The following ATP8A1 variants were observed in gnomAD, a reference collection of about 807,000 sequenced individuals.
ATP8A1 encodes ATPase phospholipid transporting 8A1, also known as phospholipid-transporting ATPase IA.
In ATP8A1, 90 loss-of-function variants were observed where a neutral mutation model predicts 177.7. The ratio of observed to expected loss-of-function variants is 0.51; its 90% CI spans 0.43 to 0.60. The LOEUF is 0.60. Ranked by LOEUF, ATP8A1 falls within the 20% of genes least tolerant of loss-of-function variation. The probability of loss-of-function intolerance (pLI) is 0.00; values close to 1 mark genes in which losing one functional copy is unlikely to be tolerated. For synonymous variants in ATP8A1, 493 were observed against 485.9 expected (o/e 1.01, Z -0.19); for missense variants, 1,072 against 1,392.8 (o/e 0.77, Z 3.67).
intron 15 of ATP8A1, among the ~76,000 whole-genome samples, chr4:42,568,594 A>T (rs2345654): frequency 0.89 from 135,928 of 152,226 alleles, 61,021 homozygotes; most frequent in East Asian, 0.97. Flanking sequence ...TAAAACGCTA[A>T]CTTTAATGAT....
intron 9 of ATP8A1, among the ~76,000 whole-genome samples, chr4:42,584,840 A>G (rs1733459747): frequency 6.6e-6 from 1 of 152,184 alleles, no homozygotes; most frequent in Non-Finnish European, 1.5e-5. Context: ...CCAAACTTAT[A>G]AAGTCCAAAA....
At chr4:42,586,659 T>A (rs373185325) in intron 8 of ATP8A1, among the ~76,000 whole-genome samples, 183 bp from the exon 9 acceptor site, 12 of 152,224 alleles carry the variant, frequency 7.9e-5, no homozygotes, top group African/African-American at 2.9e-4. Context: ...TGAGCACAGG[T>A]TTTTAGCGCA....
chr4:42,648,543 C>A (rs1740777793), intron 1 of ATP8A1, among the ~76,000 whole-genome samples: 1 of 151,906 alleles, frequency 6.6e-6, no homozygotes, highest in Admixed American at 6.6e-5. Context: ...CAAAGTAAAT[C>A]ACACAGGAAT....
At chr4:42,601,153 G>A (rs540669475) in intron 5 of ATP8A1, among the ~76,000 whole-genome samples, 36 of 147,566 alleles carry the variant, frequency 2.4e-4, no homozygotes, top group East Asian at 1.2e-3. Context: ...CTCCTGCCTC[G>A]GTCTTCCAGG....
intron 10 of ATP8A1, among the ~76,000 whole-genome samples, chr4:42,580,892 T>C (rs1337484046): frequency 1.3e-5 from 2 of 152,282 alleles, no homozygotes; most frequent in South Asian, 2.1e-4. Context: ...CTATGAAAAA[T>C]GGTCATTTGA....
In ATP8A1 at chr4:42,422,887, A is replaced by C; in HGVS notation, c.3225T>G (p.Thr1075=). 1 of 1,611,770 alleles carries C rather than the reference A, an allele frequency of 6.2e-7. No homozygotes were observed. Among genetic ancestry groups the C allele is most frequent in the Non-Finnish European group, 8.5e-7 (1 of 1,179,740 alleles). Reference sequence around the variant, plus strand: ...CTTCATCGACCAATGTTTTAAAAGCAGTCCTCTTGATACTGCAAAAAGAAA... The same window carrying C: ...CTTCATCGACCAATGTTTTAAAAGCCGTCCTCTTGATACTGCAAAAAGAAA... ...LDVVYKVIKR[T]AFKTLVDEVQ... The change falls in exon 35 of 37, where the codon ACT becomes ACG. Residue 1075 remains threonine (T), a synonymous_variant. Transcript: ENST00000381668.
intron 27 of ATP8A1, among the ~76,000 whole-genome samples, chr4:42,457,262 A>G (rs1718588328): frequency 6.6e-6 from 1 of 152,218 alleles, no homozygotes; most frequent in African/African-American, 2.4e-5. Flanking sequence ...CCTGGTGAGT[A>G]TACACAAATT....
chr4:42,567,001 A>AACT (rs1187670023), intron 15 of ATP8A1, among the ~76,000 whole-genome samples: 1 of 152,226 alleles, frequency 6.6e-6, no homozygotes, highest in African/African-American at 2.4e-5. Context: ...CTGATGATGC[A>AACT]ACTACTATTA....
intron 33 of ATP8A1, among the ~76,000 whole-genome samples, chr4:42,436,501 T>C (rs113372035): frequency 4.1e-4 from 62 of 152,348 alleles, no homozygotes; most frequent in African/African-American, 1.3e-3. Context: ...TTTCCATATA[T>C]ACTTCTCTTT....
chr4:42,414,931 G>A, intron 35 of ATP8A1: 1 of 528,008 alleles, frequency 1.9e-6, no homozygotes, highest in Non-Finnish European at 3.4e-6. Context: ...AAGGAGTTTG[G>A]TCCCCAATAA....
At chr4:42,587,174 G>A (rs981721818) in intron 8 of ATP8A1, among the ~76,000 whole-genome samples, 3 of 152,210 alleles carry the variant, frequency 2.0e-5, no homozygotes, top group African/African-American at 4.8e-5. Flanking sequence ...AGATGAGTAA[G>A]ATGAGTGAGA....
intron 20 of ATP8A1, among the ~76,000 whole-genome samples, chr4:42,540,944 C>A (rs1313173897): frequency 6.6e-6 from 1 of 152,038 alleles, no homozygotes; most frequent in Non-Finnish European, 1.5e-5. Flanking sequence ...CTCTAAGTAT[C>A]CTGGCTTGAT....
chr4:42,597,575 A>G (rs1012916462), intron 6 of ATP8A1, among the ~76,000 whole-genome samples: 1 of 152,242 alleles, frequency 6.6e-6, no homozygotes, highest in African/African-American at 2.4e-5. Context: ...GTGACATTAC[A>G]GATTTTACTT....
At chr4:42,450,212 T>C (rs558727233) in intron 30 of ATP8A1, among the ~76,000 whole-genome samples, 1 of 152,284 alleles carries the variant, frequency 6.6e-6, no homozygotes, top group East Asian at 1.9e-4. Flanking sequence ...AGCTGCAACA[T>C]GGATGAACCA....
chr4:42,423,917 A>C (rs1577903238), intron 33 of ATP8A1, among the ~76,000 whole-genome samples: 1 of 152,334 alleles, frequency 6.6e-6, no homozygotes, highest in East Asian at 1.9e-4. Flanking sequence ...TTCTCTTATA[A>C]GATATGGTGT....
At chr4:42,546,505 A>G (rs1277439242) in intron 19 of ATP8A1, among the ~76,000 whole-genome samples, 2 of 151,766 alleles carry the variant, frequency 1.3e-5, no homozygotes, top group Non-Finnish European at 2.9e-5. Context: ...TGGGTGCAGC[A>G]CACCAACATG....
At chr4:42,510,684 A>G (rs1724913381) in intron 22 of ATP8A1, among the ~76,000 whole-genome samples, 1 of 152,304 alleles carries the variant, frequency 6.6e-6, no homozygotes. Context: ...ATAAACAAAT[A>G]TTTTGTATAT....
Position 42,543,989 on chromosome 4 carries a change from G to A in ATP8A1, c.1653-3C>T. The stretch of plus-strand genomic sequence containing the variant: ...TCACTGACATTCTTTTCCTAGCACT[G>A]AAAGAAAGAGGTTTTGCATAATGTG... On this transcript the variant is annotated splice_region_variant and splice_polypyrimidine_tract_variant and intron_variant, in intron 19 of 36. Coordinates refer to ENST00000381668, the MANE Select transcript of ATP8A1 (RefSeq NM_006095.2). 1 of 1,612,434 alleles carries A rather than the reference G, an allele frequency of 6.2e-7. No homozygotes were observed. Among genetic ancestry groups the A allele is most frequent in the South Asian group, 1.1e-5 (1 of 90,942 alleles).
intron 29 of ATP8A1, among the ~76,000 whole-genome samples, chr4:42,454,660 AG>A (rs1405565913): frequency 6.6e-6 from 1 of 151,994 alleles, no homozygotes; most frequent in African/African-American, 2.4e-5. Flanking sequence ...ATAGAAAATG[AG>A]GTGTGTGTGT....
Sources: gnomAD v4.1 joint callset for allele counts (sites outside exome capture counted in the v4.1 genomes callset) on GRCh38, gnomAD v4.1.1 for gene constraint, MANE v1.5 for transcripts, NCBI Gene and HGNC (gene_info 2026-07-23, HGNC 2026-07-21) for gene names.